The following STAG1 variants were observed in gnomAD, a reference collection of about 807,000 sequenced individuals.
STAG1 encodes the protein cohesin subunit SA-1.
Under a neutral mutation model 170.9 loss-of-function variants are expected in STAG1, and 26 were observed. That is an observed-to-expected ratio of 0.15 (90% CI 0.11 to 0.21). The LOEUF (loss-of-function observed/expected upper bound fraction) is 0.21. Ranked by LOEUF, STAG1 falls within the 10% of genes least tolerant of loss-of-function variation. The pLI, the probability that STAG1 is intolerant of heterozygous loss-of-function variation, is 1.00. For synonymous variants in STAG1, 514 were observed against 497.7 expected (o/e 1.03, Z -0.44); for missense variants, 964 against 1,509.5 (o/e 0.64, Z 5.99).
intron 12 of STAG1, among the ~76,000 whole-genome samples, chr3:136,468,249 T>G (rs1299595452): frequency 6.6e-6 from 1 of 151,770 alleles, no homozygotes; most frequent in Admixed American, 6.6e-5. Context: ...ACAAAACTGA[T>G]AGACCACTAG....
intron 4 of STAG1, among the ~76,000 whole-genome samples, chr3:136,587,454 C>T (rs868495758): frequency 6.8e-6 from 1 of 147,574 alleles, no homozygotes; most frequent in East Asian, 2.0e-4. Flanking sequence ...GCAGGAGAAT[C>T]GCTTGAACCT....
intron 28 of STAG1, among the ~76,000 whole-genome samples, chr3:136,351,204 T>C (rs924592382): frequency 2.0e-5 from 3 of 151,976 alleles, no homozygotes; most frequent in Non-Finnish European, 4.4e-5. Flanking sequence ...CATCACAGCA[T>C]TGGAAGAATG....
At chr3:136,479,090 A>G (rs933350204) in intron 9 of STAG1, among the ~76,000 whole-genome samples, 1 of 87,560 alleles carries the variant, frequency 1.1e-5, no homozygotes, top group Non-Finnish European at 2.5e-5. Flanking sequence ...TTTTTTTTTT[A>G]TTATACTTTA....
At chr3:136,711,475 C>T (rs990449759) in intron 1 of STAG1, among the ~76,000 whole-genome samples, 4 of 151,662 alleles carry the variant, frequency 2.6e-5, no homozygotes, top group Admixed American at 6.6e-5. Context: ...ACAGGAGGAT[C>T]GTATAAGCCC....
intron 1 of STAG1, among the ~76,000 whole-genome samples, chr3:136,681,054 T>C (rs1215265984): frequency 6.6e-6 from 1 of 152,200 alleles, no homozygotes; most frequent in African/African-American, 2.4e-5. Context: ...AATGCTATAT[T>C]AATAATTGTT....
intron 7 of STAG1, among the ~76,000 whole-genome samples, chr3:136,520,407 T>C (rs1363954161): frequency 2.0e-5 from 3 of 152,124 alleles, no homozygotes; most frequent in Non-Finnish European, 2.9e-5. Flanking sequence ...ATAGGCAAAG[T>C]TACTGCTACT....
intron 3 of STAG1, among the ~76,000 whole-genome samples, chr3:136,611,038 G>C (rs1006852787): frequency 1.3e-5 from 2 of 152,138 alleles, no homozygotes; most frequent in South Asian, 4.1e-4. Context: ...TCAAATTTTA[G>C]AATATTTGCA....
At chr3:136,574,635 A>G (rs762371565) in intron 4 of STAG1, among the ~76,000 whole-genome samples, 13 of 152,192 alleles carry the variant, frequency 8.5e-5, no homozygotes, top group Admixed American at 2.0e-4. Flanking sequence ...TTAGGAAGCT[A>G]TAACAACATT....
rs2108249515 is a variant in STAG1 at position 136,337,119 on chromosome 3, G to GTAA, written c.*1132_*1134dup. The GTAA allele has an allele frequency of 6.5e-6, 1 of 152,750 alleles. No individual in the cohort carries two copies. The highest frequency in any genetic ancestry group is 1.9e-4 in the East Asian group (1 of 5,186). 9.5% of individuals were successfully genotyped at this position (152,750 alleles called of 1,614,324 possible). ...GCACATTTAACACTGAAATGTAGCT[G>GTAA]TAATTCAAGGTAAGCTTAGGAACTT... On this transcript the variant is annotated 3_prime_UTR_variant, in exon 34 of 34. Coordinates refer to ENST00000383202, the MANE Select transcript of STAG1 (RefSeq NM_005862.3).
At chr3:136,512,747 A>C (rs939951194) in intron 7 of STAG1, among the ~76,000 whole-genome samples, 4 of 151,838 alleles carry the variant, frequency 2.6e-5, no homozygotes, top group Non-Finnish European at 5.9e-5. Flanking sequence ...AAAAAAAAAA[A>C]AACTAACTGA....
intron 1 of STAG1, among the ~76,000 whole-genome samples, chr3:136,741,531 C>T (rs1228866107): frequency 2.0e-5 from 3 of 152,176 alleles, no homozygotes; most frequent in East Asian, 3.9e-4. Flanking sequence ...TGCGATGTCG[C>T]GATCTCAGCT....
chr3:136,569,334 A>G (rs1226173734), intron 4 of STAG1, among the ~76,000 whole-genome samples: 2 of 151,866 alleles, frequency 1.3e-5, no homozygotes, highest in African/African-American at 4.8e-5. Context: ...TTATCAACAA[A>G]GTGAAAAAGA....
At chr3:136,728,542 G>C (rs930507765) in intron 1 of STAG1, among the ~76,000 whole-genome samples, 3 of 152,052 alleles carry the variant, frequency 2.0e-5, no homozygotes, top group Non-Finnish European at 4.4e-5. Flanking sequence ...CCACCACATG[G>C]GGCTATTGTA....
intron 1 of STAG1, among the ~76,000 whole-genome samples, chr3:136,664,224 T>C (rs764361722): frequency 1.1e-4 from 17 of 152,324 alleles, no homozygotes; most frequent in Non-Finnish European, 2.4e-4. Flanking sequence ...TATGTCCTAT[T>C]TCACGGAATT....
At chr3:136,600,866 G>GTTTGT (rs147103499) in intron 4 of STAG1, among the ~76,000 whole-genome samples, 106 of 146,504 alleles carry the variant, frequency 7.2e-4, no homozygotes, top group South Asian at 6.7e-3. Context: ...TTGTTTGTTT[G>GTTTGT]TTTGTTTTGT....
intron 1 of STAG1, among the ~76,000 whole-genome samples, chr3:136,750,838 G>A (rs991284773): frequency 2.6e-5 from 4 of 152,128 alleles, no homozygotes; most frequent in African/African-American, 9.7e-5. Flanking sequence ...TTTTCAGTCT[G>A]AATTCCTCAT....
At chr3:136,694,937 C>G (rs1256259680) in intron 1 of STAG1, among the ~76,000 whole-genome samples, 1 of 152,108 alleles carries the variant, frequency 6.6e-6, no homozygotes, top group African/African-American at 2.4e-5. Context: ...AAAGGTGGCA[C>G]CTGAGAAATA....
intron 1 of STAG1, among the ~76,000 whole-genome samples, chr3:136,666,572 C>T (rs1941785492): frequency 6.6e-6 from 1 of 152,148 alleles, no homozygotes; most frequent in Non-Finnish European, 1.5e-5. Flanking sequence ...AATCCTAGCA[C>T]TTTGGGAGGC....
chr3:136,526,411 T>C (rs2107918155), intron 6 of STAG1, among the ~76,000 whole-genome samples: 1 of 152,314 alleles, frequency 6.6e-6, no homozygotes, highest in East Asian at 1.9e-4. Flanking sequence ...GAGACTAGGA[T>C]TGCAACCCCT....
Sources: allele counts gnomAD v4.1 joint callset (sites outside exome capture counted in the v4.1 genomes callset), GRCh38; gene constraint gnomAD v4.1.1; transcripts MANE v1.5; gene names NCBI Gene and HGNC (gene_info 2026-07-23, HGNC 2026-07-21).